Variants in TMEM132D observed in about 807,000 individuals in gnomAD.
TMEM132D encodes the protein mature OL transmembrane protein.
A neutral mutation model predicts 62.3 loss-of-function variants in TMEM132D; 21 were observed. The ratio of observed to expected loss-of-function variants is 0.34; its 90% confidence interval spans 0.24 to 0.49. TMEM132D has a LOEUF of 0.49. Ranked by LOEUF, TMEM132D falls within the 20% of genes least tolerant of loss-of-function variation. The pLI, the probability that TMEM132D is intolerant of heterozygous loss-of-function variation, is 0.99. For synonymous variants in TMEM132D, 621 were observed against 575.6 expected (o/e 1.08, Z -1.13); for missense variants, 1,346 against 1,402.8 (o/e 0.96, Z 0.65).
chr12:129,424,568 C>T (rs892059020), intron 3 of TMEM132D, among the ~76,000 whole-genome samples: 3 of 151,806 alleles, frequency 2.0e-5, no homozygotes, highest in South Asian at 2.1e-4. Flanking sequence ...ATTAGCCGGG[C>T]GTGGTGGTGG....
chr12:129,330,763 T>A (rs930175110), intron 4 of TMEM132D, among the ~76,000 whole-genome samples: 3 of 152,220 alleles, frequency 2.0e-5, no homozygotes, highest in African/African-American at 4.8e-5. Flanking sequence ...ATAACTTTAA[T>A]ACATAATTTT....
At chr12:129,135,885 A>G (rs1593272726) in intron 5 of TMEM132D, among the ~76,000 whole-genome samples, 1 of 152,156 alleles carries the variant, frequency 6.6e-6, no homozygotes, top group African/African-American at 2.4e-5. Flanking sequence ...TCTACACAGC[A>G]TTCTCTTTTA....
intron 2 of TMEM132D, among the ~76,000 whole-genome samples, chr12:129,657,381 G>A (rs1465319242): frequency 6.6e-6 from 1 of 151,460 alleles, no homozygotes; most frequent in Non-Finnish European, 1.5e-5. Flanking sequence ...TTAAGTCAGG[G>A]AACAAAGGGA....
chr12:129,454,469 GA>G (rs1873396574), intron 3 of TMEM132D, among the ~76,000 whole-genome samples: 1 of 152,124 alleles, frequency 6.6e-6, no homozygotes, highest in Non-Finnish European at 1.5e-5. Context: ...CTGGCTTTAA[GA>G]AGTCTCCTAT....
intron 7 of TMEM132D, among the ~76,000 whole-genome samples, chr12:129,079,246 A>C (rs1874376826): frequency 6.6e-6 from 1 of 152,200 alleles, no homozygotes. Context: ...GGTCCATCTC[A>C]ATCACGCGTG....
In TMEM132D at chr12:129,074,639, A is replaced by T. The variant is rs1874190508; in HGVS notation, c.2536T>A (p.Ser846Thr). The T allele has an allele frequency of 2.5e-6, 4 of 1,613,856 alleles. No individual in the cohort carries two copies. Among genetic ancestry groups the T allele is most frequent in the Non-Finnish European group, 3.4e-6 (4 of 1,180,010 alleles). The change falls in exon 9 of 9, where the codon TCT becomes ACT. Residue 846 changes from serine to threonine, a missense_variant. Transcript: ENST00000422113. ...SQEGQYYGSS[S>T]MGLMEGRGTT... Reference sequence around the variant, plus strand: ...CCCCGTCCCTCCATGAGTCCCATAGAAGAACTGCCATAGTACTGTCCTTCC... The same window carrying T: ...CCCCGTCCCTCCATGAGTCCCATAGTAGAACTGCCATAGTACTGTCCTTCC...
chr12:129,678,325 T>C (rs1334690862), intron 2 of TMEM132D, among the ~76,000 whole-genome samples: 1 of 152,190 alleles, frequency 6.6e-6, no homozygotes, highest in Non-Finnish European at 1.5e-5. Context: ...TATTATCAGA[T>C]TGCTTAATTT....
chr12:129,694,790 C>T (rs1377257761), intron 2 of TMEM132D, among the ~76,000 whole-genome samples: 9 of 152,144 alleles, frequency 5.9e-5, no homozygotes, highest in South Asian at 2.1e-4. Context: ...GGGCAGCTCA[C>T]GAGGTCAGGA....
At chr12:129,451,864 C>T (rs144045662) in intron 3 of TMEM132D, among the ~76,000 whole-genome samples, 348 of 152,264 alleles carry the variant, frequency 2.3e-3, no homozygotes, top group Admixed American at 0.012. Context: ...CTGGGTCACA[C>T]GGCTATACTA....
At chr12:129,415,120 G>T (rs1385127009) in intron 3 of TMEM132D, among the ~76,000 whole-genome samples, 2 of 152,178 alleles carry the variant, frequency 1.3e-5, no homozygotes, top group Non-Finnish European at 2.9e-5. Context: ...ATGCTGTGAT[G>T]AACAATGAGT....
chr12:129,704,895 TTCGGAGC>T (rs1881467462), intron 1 of TMEM132D, among the ~76,000 whole-genome samples: 1 of 151,642 alleles, frequency 6.6e-6, no homozygotes, highest in African/African-American at 2.4e-5. Flanking sequence ...ACAAAATGAC[TTCGGAGC>T]TCACAATCAT....
chr12:129,531,064 T>C lies in TMEM132D; in HGVS notation c.1110A>G (p.Glu370=). 6.2e-7 allele frequency: 1 copy of C among 1,612,398 alleles called. No homozygotes were observed. The highest frequency in any genetic ancestry group is 1.3e-5 in the African/African-American group (1 of 74,946). The change falls in exon 3 of 9, where the codon GAA becomes GAG. Residue 370 remains glutamate, a synonymous_variant. Coordinates refer to ENST00000422113, the MANE Select transcript of TMEM132D (RefSeq NM_133448.3). ...IVCQKKAAGS[E]NSADGASYEV... is the part of the protein sequence containing the mutation. ...GGAGGCCAGTTGGGACTCACCTGTTTTCTGAGCCAGCTGCTTTCTTCTGAC... is the reference window on the plus strand; with the variant it reads ...GGAGGCCAGTTGGGACTCACCTGTTCTCTGAGCCAGCTGCTTTCTTCTGAC...
At chr12:129,456,766 C>A (rs1048446121) in intron 3 of TMEM132D, among the ~76,000 whole-genome samples, 1 of 152,148 alleles carries the variant, frequency 6.6e-6, no homozygotes, top group Non-Finnish European at 1.5e-5. Context: ...CTCTCCTCTA[C>A]GAGCTGCATC....
chr12:129,880,067 C>A (rs1312505771), intron 1 of TMEM132D, among the ~76,000 whole-genome samples: 1 of 151,914 alleles, frequency 6.6e-6, no homozygotes, highest in East Asian at 1.9e-4. Flanking sequence ...CATCTTGACA[C>A]ATCATGTTTA....
chr12:129,837,734 C>T (rs1256873654), intron 1 of TMEM132D, among the ~76,000 whole-genome samples: 1 of 152,198 alleles, frequency 6.6e-6, no homozygotes, highest in Non-Finnish European at 1.5e-5. Flanking sequence ...TTCCCAACCA[C>T]ACACCCATGT....
intron 4 of TMEM132D, among the ~76,000 whole-genome samples, chr12:129,262,980 A>G (rs561645196): frequency 3.4e-4 from 51 of 152,208 alleles, no homozygotes; most frequent in Admixed American, 1.9e-3. Context: ...GGGTTGGCCA[A>G]TGGGGAGCTC....
At chr12:129,670,835 A>G (rs1880485116) in intron 2 of TMEM132D, among the ~76,000 whole-genome samples, 1 of 152,212 alleles carries the variant, frequency 6.6e-6, no homozygotes, top group Admixed American at 6.5e-5. Flanking sequence ...CAATGGCTCT[A>G]AAGTCCTCCT....
chr12:129,692,764 A>G (rs1224501382), intron 2 of TMEM132D, among the ~76,000 whole-genome samples: 2 of 152,072 alleles, frequency 1.3e-5, no homozygotes, highest in Non-Finnish European at 2.9e-5. Context: ...ACCAAACACC[A>G]CATGTTCTCA....
At chr12:129,814,863 T>C (rs1872301061) in intron 1 of TMEM132D, among the ~76,000 whole-genome samples, 2 of 152,152 alleles carry the variant, frequency 1.3e-5, no homozygotes, top group Non-Finnish European at 2.9e-5. Flanking sequence ...ATTTAATTGC[T>C]ACCTTCTTAT....
Sources: gnomAD v4.1 joint callset for allele counts (sites outside exome capture counted in the v4.1 genomes callset) on GRCh38, gnomAD v4.1.1 for gene constraint, MANE v1.5 for transcripts, NCBI Gene and HGNC (gene_info 2026-07-23, HGNC 2026-07-21) for gene names.